The following LRRTM4 variants were observed in gnomAD, a reference collection of about 807,000 sequenced individuals.
The protein encoded by LRRTM4 is leucine-rich repeat transmembrane neuronal protein 4.
Under a neutral mutation model 47.6 loss-of-function variants are expected in LRRTM4, and 25 were observed. The observed-to-expected ratio is 0.53, with a 90% CI of 0.38 to 0.73. The LOEUF is 0.73. Among genes scored for constraint, LRRTM4 ranks in the 30% least tolerant of loss-of-function variants. The pLI is 0.00. For missense variants in LRRTM4, 638 were observed against 713.4 expected, an observed-to-expected ratio of 0.89 and a Z score of 1.20; for synonymous variants, 311 against 269.5, an observed-to-expected ratio of 1.15 and a Z score of -1.51.
At chr2:76,846,907 T>C (rs963045204) in intron 3 of LRRTM4, among the ~76,000 whole-genome samples, 1 of 152,204 alleles carries the variant, frequency 6.6e-6, no homozygotes, top group African/African-American at 2.4e-5. Context: ...AAAGGTCATA[T>C]GATAAATACA....
chr2:76,785,536 A>G (rs747906456), intron 3 of LRRTM4, among the ~76,000 whole-genome samples: 5 of 152,250 alleles, frequency 3.3e-5, no homozygotes, highest in African/African-American at 7.2e-5. Flanking sequence ...AGGATCTTCA[A>G]TTTAACTTGG....
intron 3 of LRRTM4, among the ~76,000 whole-genome samples, chr2:77,079,463 G>T (rs1030099756): frequency 6.6e-6 from 1 of 152,112 alleles, no homozygotes; most frequent in African/African-American, 2.4e-5. Context: ...TTGTGGCCAA[G>T]GACACTTTGA....
chr2:77,129,987 T>C (rs536787234), intron 3 of LRRTM4, among the ~76,000 whole-genome samples: 29 of 152,344 alleles, frequency 1.9e-4, no homozygotes, highest in African/African-American at 7.0e-4. Flanking sequence ...TGAGTAACTT[T>C]TAATCTGTTT....
At chr2:77,309,712 TAG>T (rs1677396692) in intron 3 of LRRTM4, among the ~76,000 whole-genome samples, 1 of 151,744 alleles carries the variant, frequency 6.6e-6, no homozygotes, top group Non-Finnish European at 1.5e-5. Flanking sequence ...GATAGATAGA[TAG>T]ATAGATAGAT....
At chr2:77,090,505 G>T (rs1007390633) in intron 3 of LRRTM4, among the ~76,000 whole-genome samples, 2 of 152,054 alleles carry the variant, frequency 1.3e-5, no homozygotes, top group Non-Finnish European at 2.9e-5. Context: ...TCGCCTTCAA[G>T]GTGTGCAATA....
intron 3 of LRRTM4, among the ~76,000 whole-genome samples, chr2:76,780,492 G>C (rs1046812977): frequency 7.3e-5 from 11 of 151,706 alleles, no homozygotes; most frequent in Non-Finnish European, 1.3e-4. Flanking sequence ...ACCCCTTCTC[G>C]CTTCATTTCA....
chr2:77,302,909 T>C (rs1677169001), intron 3 of LRRTM4, among the ~76,000 whole-genome samples: 1 of 152,128 alleles, frequency 6.6e-6, no homozygotes, highest in African/African-American at 2.4e-5. Context: ...CCATTTTGCA[T>C]GGCATGGGTG....
At chr2:77,029,052 A>AAAAT (rs1277940864) in intron 3 of LRRTM4, among the ~76,000 whole-genome samples, 58 of 140,638 alleles carry the variant, frequency 4.1e-4, no homozygotes, top group East Asian at 3.0e-3. Flanking sequence ...CACACACACA[A>AAAAT]ATATATATAT....
chr2:76,974,690 T>C (rs1054605267), intron 3 of LRRTM4, among the ~76,000 whole-genome samples: 1 of 151,672 alleles, frequency 6.6e-6, no homozygotes, highest in Non-Finnish European at 1.5e-5. Flanking sequence ...GGGAGAAAAA[T>C]TGTGAAATTT....
intron 3 of LRRTM4, among the ~76,000 whole-genome samples, chr2:77,348,602 T>C (rs908574712): frequency 3.3e-5 from 5 of 150,428 alleles, no homozygotes; most frequent in Non-Finnish European, 5.9e-5. Flanking sequence ...TGTAAGAATA[T>C]GAAAAACATT....
intron 3 of LRRTM4, among the ~76,000 whole-genome samples, chr2:77,220,470 G>C (rs1056727941): frequency 2.0e-5 from 3 of 152,148 alleles, no homozygotes; most frequent in Non-Finnish European, 4.4e-5. Context: ...AAAATTAGAC[G>C]AATGGATAAC....
intron 3 of LRRTM4, among the ~76,000 whole-genome samples, chr2:77,464,606 C>T (rs1676913018): frequency 6.6e-6 from 1 of 151,948 alleles, no homozygotes; most frequent in South Asian, 2.1e-4. Flanking sequence ...GCTACAGATT[C>T]ACTTGGATGG....
chr2:77,448,191 G>A (rs778390800), intron 3 of LRRTM4, among the ~76,000 whole-genome samples: 1 of 152,134 alleles, frequency 6.6e-6, no homozygotes, highest in Non-Finnish European at 1.5e-5. Flanking sequence ...GTCACTGTTG[G>A]TAAGATTTTG....
intron 3 of LRRTM4, among the ~76,000 whole-genome samples, chr2:77,107,271 C>T (rs1371980325): frequency 6.6e-6 from 1 of 150,816 alleles, no homozygotes; most frequent in Non-Finnish European, 1.5e-5. Context: ...TTATCTTTGG[C>T]ACAATAAACA....
chr2:76,871,402 C>T (rs912478718), intron 3 of LRRTM4, among the ~76,000 whole-genome samples: 3 of 152,096 alleles, frequency 2.0e-5, no homozygotes, highest in African/African-American at 7.2e-5. Context: ...TAGACCACAG[C>T]CTGCATTCAA....
chr2:76,947,894 G>A (rs983830352), intron 3 of LRRTM4, among the ~76,000 whole-genome samples: 7 of 151,744 alleles, frequency 4.6e-5, no homozygotes, highest in Admixed American at 2.0e-4. Context: ...ATTGCAAGGC[G>A]ACTCCCCAAA....
intron 3 of LRRTM4, among the ~76,000 whole-genome samples, chr2:77,346,782 C>A (rs1671576931): frequency 6.6e-6 from 1 of 151,274 alleles, no homozygotes; most frequent in Non-Finnish European, 1.5e-5. Context: ...TGAAATAATG[C>A]CAAAAATCAT....
chr2:76,973,369 A>T (rs533989569), intron 3 of LRRTM4, among the ~76,000 whole-genome samples: 347 of 152,112 alleles, frequency 2.3e-3, no homozygotes, highest in Non-Finnish European at 3.9e-3. Flanking sequence ...GTCTATTTTT[A>T]AAAAATATTC....
chr2:76,814,475 C>T (rs986565505), intron 3 of LRRTM4, among the ~76,000 whole-genome samples: 5 of 151,610 alleles, frequency 3.3e-5, no homozygotes, highest in Admixed American at 1.3e-4. Flanking sequence ...TCTGCATCTG[C>T]GGATTCAAAC....
Sources: allele counts gnomAD v4.1 joint callset (sites outside exome capture counted in the v4.1 genomes callset), GRCh38; gene constraint gnomAD v4.1.1; transcripts MANE v1.5; gene names NCBI Gene and HGNC (gene_info 2026-07-23, HGNC 2026-07-21).